The following CCNB2 variants were observed in gnomAD, a reference collection of about 807,000 sequenced individuals.
CCNB2 encodes the protein G2/mitotic-specific cyclin-B2.
In CCNB2, 39 loss-of-function variants were observed where a neutral mutation model predicts 51.1. The ratio of observed to expected loss-of-function variants is 0.76; its 90% CI spans 0.59 to 1.00. The LOEUF is 1.00. Among genes scored for constraint, CCNB2 ranks in the 50% least tolerant of loss-of-function variants. The pLI is 0.00. For synonymous variants in CCNB2, 174 were observed against 165.5 expected, an observed-to-expected ratio of 1.05 and a Z score of -0.40; for missense variants, 472 against 470.3, an observed-to-expected ratio of 1.00 and a Z score of -0.03.
rs1409399562 is a variant in CCNB2, at chr15:59,123,530, A to G, written c.989A>G (p.Gln330Arg). The change falls in exon 8 of 9, where the codon CAG (glutamine) becomes CGG (arginine). Residue 330 changes from glutamine to arginine, a missense_variant. Gln to Arg is a conservative substitution (Grantham distance 43, BLOSUM62 1). Transcript: ENST00000288207. ...LGQGKWNLKQQYYTGYTENEV... is the reference protein window; with the variant it reads ...LGQGKWNLKQRYYTGYTENEV... ...CTTGTGTTTCAGAACTTAAAGCAGCAGTATTACACAGGATACACAGAGAAT... is the reference window on the plus strand; with the variant it reads ...CTTGTGTTTCAGAACTTAAAGCAGCGGTATTACACAGGATACACAGAGAAT... 4.4e-6 allele frequency: 7 copies of G among 1,607,774 alleles called. No individual in the cohort carries two copies. Among genetic ancestry groups the G allele is most frequent in the Non-Finnish European group, 3.4e-6 (4 of 1,174,514 alleles).
intron 3 of CCNB2, 132 bp from the exon 4 acceptor site, chr15:59,114,312 C>T: frequency 1.6e-6 from 1 of 619,878 alleles, no homozygotes. Flanking sequence ...AATTATTCAC[C>T]TCTTGGTATG....
At chr15:59,124,448 C>T in intron 8 of CCNB2, 1 of 351,392 alleles carries the variant, frequency 2.8e-6, no homozygotes, top group Admixed American at 4.6e-5. Flanking sequence ...CTGTTATGTC[C>T]TGATGGCACT....
intron 1 of CCNB2, 134 bp downstream of exon 1, chr15:59,105,426 G>T: frequency 9.7e-7 from 1 of 1,031,182 alleles, no homozygotes; most frequent in Admixed American, 2.2e-5. Context: ...TCACTGCTTC[G>T]CCCGCGTCCC....
At chr15:59,123,700 G>GGGT in intron 8 of CCNB2, 73 bp downstream of exon 8, 1 of 726,868 alleles carries the variant, frequency 1.4e-6, no homozygotes, top group Non-Finnish European at 2.4e-6. Flanking sequence ...GGGCGGGGGG[G>GGGT]GGCGGTGTGT....
At chr15:59,105,399 T>C (rs1381544688) in intron 1 of CCNB2, 107 bp downstream of exon 1, 21 of 1,276,166 alleles carry the variant, frequency 1.6e-5, no homozygotes, top group Non-Finnish European at 2.3e-5. Flanking sequence ...CGGGGCTGCT[T>C]TTCTCTTCTC....
At chr15:59,116,210 T>C (rs1364267254) in intron 5 of CCNB2, 2 of 155,210 alleles carry the variant, frequency 1.3e-5, no homozygotes, top group African/African-American at 4.8e-5. Flanking sequence ...ATTAAGGAAA[T>C]GAGCCATCCA....
At chr15:59,107,948 A>G (rs28383501) in intron 3 of CCNB2, among the ~76,000 whole-genome samples, 4,711 of 152,218 alleles carry the variant, frequency 0.031, 241 homozygotes, top group African/African-American at 0.11. Flanking sequence ...GCAATGTGCT[A>G]TAATGGTGCC....
At position 59,116,912 on chromosome 15, in the gene CCNB2, T is replaced by A; in HGVS notation, c.820T>A (p.Ser274Thr). ...GCCACTACACTTCTTAAGGCGAGCA[T>A]CAAAAGCCGGGGAGGTAAGTGCCTC... is the stretch of plus-strand genomic sequence containing the variant. The part of the protein sequence containing the change: ...PLPLHFLRRA[S>T]KAGEVDVEQH... The change falls in exon 6 of 9, where the codon TCA (serine) becomes ACA (threonine). Residue 274 changes from serine to threonine, a missense_variant. Ser to Thr is a moderately conservative substitution (Grantham distance 58). Transcript: ENST00000288207. 6.2e-7 allele frequency: 1 copy of A among 1,613,474 alleles called. No individual in the cohort carries two copies. Among genetic ancestry groups the A allele is most frequent in the Non-Finnish European group, 8.5e-7 (1 of 1,179,434 alleles).
chr15:59,117,251 A>G lies in CCNB2; in HGVS notation c.858A>G (p.Leu286=), dbSNP rs141427555. The change falls in exon 7 of 9, where the codon TTA becomes TTG. Residue 286 remains leucine, a synonymous_variant. Coordinates refer to ENST00000288207, the MANE Select transcript of CCNB2 (RefSeq NM_004701.4). ...AGGTTGATGTTGAACAGCACACTTTAGCCAAGTATTTGATGGAGCTGACTC... is the reference window on the plus strand; with the variant it reads ...AGGTTGATGTTGAACAGCACACTTTGGCCAAGTATTTGATGGAGCTGACTC... ...AGEVDVEQHT[L]AKYLMELTLI... 1.9e-6 allele frequency: 3 copies of G among 1,613,090 alleles called. No individual in the cohort carries two copies. Among genetic ancestry groups the G allele is most frequent in the Non-Finnish European group, 2.5e-6 (3 of 1,179,952 alleles).
rs28383538 is a variant in CCNB2, at chr15:59,116,418, C to G, written c.598-272C>G. ...GTGTCTGAATCTGTTCTCAGGACAT[C>G]TATTTGTAATTGAGGAATAAAATAT... On this transcript the variant is annotated intron_variant, in intron 5 of 8. Transcript: ENST00000288207. 5.5e-3 allele frequency among the ~76,000 whole-genome samples: 829 copies of G among 150,416 alleles called. 7 individuals carry two copies. Among genetic ancestry groups the G allele is most frequent in the African/African-American group, 0.019 (790 of 40,966 alleles).
At chr15:59,123,854 C>T (rs1451257655) in intron 8 of CCNB2, 2 of 452,902 alleles carry the variant, frequency 4.4e-6, no homozygotes, top group Non-Finnish European at 8.1e-6. Flanking sequence ...ATAGGCTAGC[C>T]ATGTCCAGGC....
intron 7 of CCNB2, among the ~76,000 whole-genome samples, chr15:59,122,485 A>G (rs368677458): frequency 2.3e-4 from 34 of 150,988 alleles, no homozygotes; most frequent in African/African-American, 7.1e-4. Context: ...TCGGCCTCCC[A>G]AAGTGTTGGG....
chr15:59,107,223 A>G (rs1255985183), intron 1 of CCNB2, 99 bp from the exon 2 acceptor site: 1 of 1,087,524 alleles, frequency 9.2e-7, no homozygotes, highest in Admixed American at 2.7e-5. Flanking sequence ...ATCTTGACGT[A>G]TTGTCCTTTC....
At chr15:59,121,694 G>A (rs1323733773) in intron 7 of CCNB2, 1 of 152,234 alleles carries the variant, frequency 6.6e-6, no homozygotes, top group Non-Finnish European at 1.5e-5. Context: ...CACTTTGGGA[G>A]GCTGAGGCGG....
chr15:59,118,294 T>C (rs531135008), intron 7 of CCNB2, among the ~76,000 whole-genome samples: 13 of 152,290 alleles, frequency 8.5e-5, no homozygotes, highest in South Asian at 4.1e-4. Context: ...AGGTACACTG[T>C]TGTGGAGAAG....
chr15:59,116,970 C>A, intron 6 of CCNB2, 44 bp downstream of exon 6: 1 of 1,476,622 alleles, frequency 6.8e-7, no homozygotes, highest in Non-Finnish European at 9.4e-7. Context: ...TGCTTGGTGT[C>A]TCATCCCAGA....
At chr15:59,114,256 T>A (rs945323472) in intron 3 of CCNB2, among the ~76,000 whole-genome samples, 188 bp from the exon 4 acceptor site, 6 of 152,208 alleles carry the variant, frequency 3.9e-5, no homozygotes, top group African/African-American at 7.2e-5. Flanking sequence ...TTAGAGAGTT[T>A]TAAACAGAGA....
rs141397053 is a variant in CCNB2, at chr15:59,124,847, C to T, written c.1167C>T (p.Asp389=). The T allele has an allele frequency of 2.2e-5, 35 of 1,603,074 alleles. No homozygotes were observed. Among genetic ancestry groups the T allele is most frequent in the Middle Eastern group, 3.3e-4 (2 of 5,994 alleles). The part of the protein sequence containing the change: ...IPQLNSKAVK[D]LASPLIGRS Reference sequence around the variant, plus strand: ...AGCTGAACTCAAAAGCCGTCAAAGACCTTGCCTCCCCACTGATAGGAAGGT... The same window carrying T: ...AGCTGAACTCAAAAGCCGTCAAAGATCTTGCCTCCCCACTGATAGGAAGGT... The change falls in exon 9 of 9, where the codon GAC becomes GAT. Residue 389 remains aspartate, a synonymous_variant. Coordinates refer to ENST00000288207, the MANE Select transcript of CCNB2 (RefSeq NM_004701.4).
intron 5 of CCNB2, among the ~76,000 whole-genome samples, chr15:59,116,280 G>A (rs1404381094): frequency 1.3e-5 from 2 of 152,018 alleles, no homozygotes; most frequent in East Asian, 3.9e-4. Context: ...AGTGTGTCAG[G>A]CCAGGGCTGC....
Sources: allele counts gnomAD v4.1 joint callset (sites outside exome capture counted in the v4.1 genomes callset), GRCh38; gene constraint gnomAD v4.1.1; transcripts MANE v1.5; gene names NCBI Gene and HGNC (gene_info 2026-07-23, HGNC 2026-07-21).